SCAP: variants seen among roughly 807,000 people sequenced by gnomAD.
SCAP encodes SREBF chaperone.
SCAP carries 65 observed loss-of-function variants against 123.6 expected under a neutral mutation model. The ratio of observed to expected loss-of-function variants is 0.53; its 90% CI spans 0.43 to 0.65. The LOEUF (loss-of-function observed/expected upper bound fraction) is 0.65. Among genes scored for constraint, SCAP ranks in the 30% least tolerant of loss-of-function variants. The probability of loss-of-function intolerance (pLI) is 0.00; values close to 1 mark genes in which losing one functional copy is unlikely to be tolerated. For missense variants in SCAP, 1,398 were observed against 1,712.5 expected, an observed-to-expected ratio of 0.82 and a Z score of 3.24; for synonymous variants, 740 against 726.3, an observed-to-expected ratio of 1.02 and a Z score of -0.30.
At chr3:47,441,874 C>CTTTTTTTTTGTTTTTTT in intron 2 of SCAP, among the ~76,000 whole-genome samples, 1 of 76,410 alleles carries the variant, frequency 1.3e-5, no homozygotes, top group Non-Finnish European at 2.3e-5. Flanking sequence ...GTTCATCTTT[C>CTTTTTTTTTGTTTTTTT]TTTTTTTTTT....
At chr3:47,437,422 CAAAAAAA>C (rs35011639) in intron 2 of SCAP, among the ~76,000 whole-genome samples, 1 of 63,196 alleles carries the variant, frequency 1.6e-5, no homozygotes, top group Non-Finnish European at 2.8e-5. Flanking sequence ...AACTCAATCT[CAAAAAAA>C]AAAAAAAAAA....
At chr3:47,471,578 TCAGG>T (rs996856026) in intron 1 of SCAP, among the ~76,000 whole-genome samples, 6 of 151,996 alleles carry the variant, frequency 3.9e-5, no homozygotes, top group Non-Finnish European at 5.9e-5. Context: ...CACATGTTGG[TCAGG>T]CTGGTCTCGA....
chr3:47,439,605 G>A lies in SCAP; in HGVS notation c.122+3267C>T, dbSNP rs1317427218. On this transcript the variant is annotated intron_variant, in intron 2 of 22. Coordinates refer to ENST00000265565, the MANE Select transcript of SCAP (RefSeq NM_012235.4). This position sits in a 1 kb window ranked among gnomAD's most constrained non-coding sequence, Gnocchi z 4.0. The stretch of plus-strand genomic sequence containing the variant: ...GCGCACCCACTGCTTACCAGGGCAG[G>A]TTCAGATTAACAGTACCCTCTGTCT... 2.0e-5 allele frequency among the ~76,000 whole-genome samples: 3 copies of A among 152,158 alleles called. No individual in the cohort carries two copies. The highest frequency in any genetic ancestry group is 4.4e-5 in the Non-Finnish European group (3 of 68,030).
At chr3:47,421,948 A>G (rs1444085094) in intron 10 of SCAP, among the ~76,000 whole-genome samples, 1 of 152,264 alleles carries the variant, frequency 6.6e-6, no homozygotes, top group Admixed American at 6.5e-5. Flanking sequence ...ACTCTGGGCA[A>G]TGGGTGGTGG....
At chr3:47,417,248 G>A in intron 17 of SCAP, 41 bp from the exon 18 acceptor site, 2 of 1,612,562 alleles carry the variant, frequency 1.2e-6, no homozygotes, top group Non-Finnish European at 1.7e-6. Flanking sequence ...AGCCAGAAAG[G>A]CCCACAATCC....
chr3:47,472,983 G>C (rs1230509918), intron 1 of SCAP, among the ~76,000 whole-genome samples: 1 of 151,216 alleles, frequency 6.6e-6, no homozygotes, highest in Non-Finnish European at 1.5e-5. Context: ...AGGAGGCTGA[G>C]GCAGGAGAAT....
intron 8 of SCAP, 90 bp downstream of exon 8, chr3:47,425,395 C>T: frequency 7.0e-7 from 1 of 1,421,326 alleles, no homozygotes; most frequent in Non-Finnish European, 9.5e-7. Context: ...GAGGTCACAG[C>T]AAAGTCCAGG....
At chr3:47,418,970 T>C (rs1017333451) in intron 13 of SCAP, 127 bp from the exon 14 acceptor site, 19 of 1,042,660 alleles carry the variant, frequency 1.8e-5, no homozygotes, top group African/African-American at 4.9e-5. Flanking sequence ...TCTCCCAGCA[T>C]GGGGGGTTGG....
intron 1 of SCAP, among the ~76,000 whole-genome samples, chr3:47,465,904 G>T (rs750193430): frequency 7.2e-5 from 11 of 151,734 alleles, no homozygotes; most frequent in Non-Finnish European, 1.0e-4. Context: ...GGAGGCCAAG[G>T]CAGGTGGGTC....
Position 47,422,525 on chromosome 3 carries a change from C to T in SCAP, c.1162G>A (p.Glu388Lys), listed in dbSNP as rs771404299. Residue 388 changes from glutamate to lysine, a missense_variant, in exon 10 of 23, where the codon GAG becomes AAG. Glu to Lys is a moderately conservative substitution (Grantham distance 56). Coordinates refer to ENST00000265565, the MANE Select transcript of SCAP (RefSeq NM_012235.4). ...ATGTTCTTCATGATGGACCAGCTCT[C>T]GCTGCTTAGGCCTGCAGAGGGCAGC... The part of the protein sequence containing the change: ...KLRIAQGLSS[E>K]SWSIMKNMAT... 5.6e-6 allele frequency: 9 copies of T among 1,612,750 alleles called. No individual in the cohort carries two copies. The highest frequency in any genetic ancestry group is 2.2e-5 in the East Asian group (1 of 44,846).
chr3:47,446,110 G>A (rs1361810763), intron 1 of SCAP, among the ~76,000 whole-genome samples: 2 of 151,292 alleles, frequency 1.3e-5, no homozygotes, highest in Non-Finnish European at 2.9e-5. Flanking sequence ...TCTTGACCTC[G>A]TGATCTGACC....
intron 1 of SCAP, among the ~76,000 whole-genome samples, chr3:47,473,773 C>A (rs960187152): frequency 6.6e-6 from 1 of 152,206 alleles, no homozygotes; most frequent in African/African-American, 2.4e-5. Flanking sequence ...CACAGGCACA[C>A]TTTTTCTTTC....
chr3:47,458,743 G>C (rs1006067467), intron 1 of SCAP, among the ~76,000 whole-genome samples: 2 of 152,178 alleles, frequency 1.3e-5, no homozygotes, highest in Admixed American at 6.5e-5. Flanking sequence ...ACTCCCTCTT[G>C]ACCTGGTCAG....
intron 1 of SCAP, among the ~76,000 whole-genome samples, chr3:47,450,241 G>A (rs1204361451): frequency 8.1e-6 from 1 of 123,686 alleles, no homozygotes; most frequent in African/African-American, 2.8e-5. Context: ...CAATGAATCT[G>A]CCTGCCTCAG....
chr3:47,442,893 C>A lies in SCAP; in HGVS notation c.101G>T (p.Gly34Val), dbSNP rs1333482521. The A allele has an allele frequency of 2.5e-6, 4 of 1,614,010 alleles. No individual in the cohort carries two copies. The highest frequency in any genetic ancestry group is 2.5e-6 in the Non-Finnish European group (3 of 1,180,026). The change falls in exon 2 of 23, where the codon GGG becomes GTG. Residue 34 changes from glycine (G) to valine (V), a missense_variant. Transcript: ENST00000265565. ...ATACCAGCAGGCTAAGATGCAGAAC[C>A]CTGTGAAGAGGATGATGGGGATGGG... The part of the protein sequence containing the change: ...SYPIPIILFT[G>V]FCILACCYPL...
chr3:47,470,449 A>C (rs1707987184), intron 1 of SCAP, among the ~76,000 whole-genome samples: 1 of 152,232 alleles, frequency 6.6e-6, no homozygotes, highest in Admixed American at 6.5e-5. Context: ...GGATTAAGTG[A>C]ACATCTGTAC....
intron 1 of SCAP, among the ~76,000 whole-genome samples, chr3:47,467,598 G>A (rs543860798): frequency 1.3e-4 from 20 of 150,420 alleles, no homozygotes; most frequent in African/African-American, 3.7e-4. Context: ...AGAAGACCCC[G>A]TCTCAAGAAA....
chr3:47,444,648 A>T (rs1706954827), intron 1 of SCAP, among the ~76,000 whole-genome samples: 1 of 151,622 alleles, frequency 6.6e-6, no homozygotes, highest in Non-Finnish European at 1.5e-5. Context: ...TAATTTTTGT[A>T]TTTTTTTGTA....
chr3:47,465,851 A>G (rs1420566709), intron 1 of SCAP, among the ~76,000 whole-genome samples: 1 of 151,426 alleles, frequency 6.6e-6, no homozygotes, highest in Non-Finnish European at 1.5e-5. Context: ...CAAAAAAAAA[A>G]AAGCTGGGTG....
Sources: allele counts gnomAD v4.1 joint callset (sites outside exome capture counted in the v4.1 genomes callset), GRCh38; gene constraint gnomAD v4.1.1; non-coding constraint Gnocchi (gnomAD v3.1); transcripts MANE v1.5; gene names NCBI Gene and HGNC (gene_info 2026-07-23, HGNC 2026-07-21).